Variants in RAPGEF2 observed in about 807,000 individuals in gnomAD.
The protein encoded by RAPGEF2 is PDZ domain containing guanine nucleotide exchange factor (GEF) 1.
RAPGEF2 carries 54 observed loss-of-function variants against 186.7 expected under a neutral mutation model. The observed-to-expected ratio is 0.29, with a 90% CI of 0.23 to 0.36. RAPGEF2 has a LOEUF of 0.36. Among genes scored for constraint, RAPGEF2 ranks in the 10% least tolerant of loss-of-function variants. The pLI, the probability that RAPGEF2 is intolerant of heterozygous loss-of-function variation, is 1.00. For synonymous variants in RAPGEF2, 712 were observed against 705.9 expected (o/e 1.01, Z -0.14); for missense variants, 1,532 against 2,045.0 (o/e 0.75, Z 4.84).
chr4:159,123,739 C>T (rs184613621), intron 1 of RAPGEF2, among the ~76,000 whole-genome samples: 1,557 of 151,976 alleles, frequency 0.01, 91 homozygotes, highest in Admixed American at 0.094. Flanking sequence ...AGGATGGTCT[C>T]GATCTCCTGA....
chr4:159,241,132 T>C, intron 5 of RAPGEF2, 69 bp from the exon 6 acceptor site: 1 of 1,239,024 alleles, frequency 8.1e-7, no homozygotes, highest in Admixed American at 3.0e-5. Flanking sequence ...TGTAAGTTTC[T>C]TTCTGTATCT....
At chr4:159,310,277 ACTC>A (rs1280771342) in intron 8 of RAPGEF2, among the ~76,000 whole-genome samples, 4 of 152,112 alleles carry the variant, frequency 2.6e-5, no homozygotes, top group East Asian at 1.9e-4. Context: ...ATTTTTATAT[ACTC>A]CTCGTAGGAT....
intron 7 of RAPGEF2, among the ~76,000 whole-genome samples, chr4:159,298,789 C>T (rs1420622053): frequency 6.6e-6 from 1 of 152,108 alleles, no homozygotes; most frequent in Non-Finnish European, 1.5e-5. Context: ...ATTCCAGCTA[C>T]AGGAATCATG....
intron 7 of RAPGEF2, among the ~76,000 whole-genome samples, chr4:159,303,813 T>G (rs1762959913): frequency 6.6e-6 from 1 of 152,296 alleles, no homozygotes; most frequent in East Asian, 1.9e-4. Flanking sequence ...ACTTTCTCAA[T>G]TCTAAGATCT....
At chr4:159,338,494 T>G in intron 18 of RAPGEF2, 26 bp downstream of exon 18, 1 of 1,580,954 alleles carries the variant, frequency 6.3e-7, no homozygotes. Context: ...ACTTCTTTTG[T>G]TTTCTTATAG....
At position 159,303,175 on chromosome 4, in the gene RAPGEF2, C is replaced by T. The variant is rs114108945; in HGVS notation, c.544-1167C>T. Among the ~76,000 whole-genome samples the T allele has an allele frequency of 3.3e-3, 507 of 152,252 alleles. 2 individuals carry two copies. The highest frequency in any genetic ancestry group is 0.011 in the African/African-American group (455 of 41,564). On this transcript the variant is annotated intron_variant, in intron 7 of 29. Coordinates refer to ENST00000691494, the MANE Select transcript of RAPGEF2 (RefSeq NM_001394067.2). ...ATAAATACATTTTGCCTACTTGGAG[C>T]TCCGAAGTATCAAAATCCATTGATC...
chr4:159,300,365 C>T (rs1002953242), intron 7 of RAPGEF2, among the ~76,000 whole-genome samples: 4 of 151,638 alleles, frequency 2.6e-5, no homozygotes, highest in Non-Finnish European at 5.9e-5. Flanking sequence ...TTGTCATTCA[C>T]AGGTGGTGTT....
chr4:159,303,463 A>G (rs925854589), intron 7 of RAPGEF2, among the ~76,000 whole-genome samples: 13 of 152,120 alleles, frequency 8.5e-5, no homozygotes, highest in East Asian at 3.8e-4. Context: ...TATTAGCTCA[A>G]TAGTATAATG....
At chr4:159,323,282 A>G (rs1765483247) in intron 10 of RAPGEF2, among the ~76,000 whole-genome samples, 177 bp from the exon 11 acceptor site, 1 of 152,230 alleles carries the variant, frequency 6.6e-6, no homozygotes. Flanking sequence ...GGAAATATGT[A>G]GATATGTGGC....
chr4:159,103,881 G>A lies in RAPGEF2; in HGVS notation c.-282G>A, dbSNP rs987675349. The A allele has an allele frequency of 1.4e-4, 22 of 155,612 alleles. No homozygotes were observed. Among genetic ancestry groups the A allele is most frequent in the Admixed American group, 9.2e-4 (14 of 15,300 alleles). The allele number at this position is 155,612 out of a possible 1,614,324, so 9.6% of individuals were successfully genotyped here. ...GGAGCGGCGAGGAAGAGGAGGAGGA[G>A]GAGGAAGGGGAGTTCCGCCTGCGGG... On this transcript the variant is annotated 5_prime_UTR_variant, in exon 1 of 30. Coordinates refer to ENST00000691494, the MANE Select transcript of RAPGEF2 (RefSeq NM_001394067.2).
chr4:159,132,174 T>C (rs1741186771), intron 1 of RAPGEF2, among the ~76,000 whole-genome samples: 2 of 152,212 alleles, frequency 1.3e-5, no homozygotes, highest in Admixed American at 1.3e-4. Flanking sequence ...TATTCAGATA[T>C]ATTCATAAGC....
chr4:159,299,380 C>G (rs1762384316), intron 7 of RAPGEF2, among the ~76,000 whole-genome samples: 1 of 150,904 alleles, frequency 6.6e-6, no homozygotes, highest in South Asian at 2.1e-4. Context: ...TCTCAGCAGT[C>G]CTAAGATGAT....
chr4:159,254,404 G>T (rs921393343), intron 7 of RAPGEF2, among the ~76,000 whole-genome samples: 3 of 152,088 alleles, frequency 2.0e-5, no homozygotes, highest in African/African-American at 7.2e-5. Flanking sequence ...GACCCTCAGG[G>T]GTCCTGAGAC....
chr4:159,166,317 A>G (rs1025864409), intron 1 of RAPGEF2, among the ~76,000 whole-genome samples: 3 of 152,202 alleles, frequency 2.0e-5, no homozygotes, highest in Non-Finnish European at 4.4e-5. Flanking sequence ...CCATCTCAAA[A>G]AAAAAATGTA....
At chr4:159,299,463 C>T (rs1270540926) in intron 7 of RAPGEF2, among the ~76,000 whole-genome samples, 1 of 151,330 alleles carries the variant, frequency 6.6e-6, no homozygotes, top group African/African-American at 2.4e-5. Context: ...GAATAAGCCT[C>T]TGTTGATAAT....
chr4:159,242,256 G>A (rs1293246938), intron 6 of RAPGEF2, among the ~76,000 whole-genome samples: 1 of 151,178 alleles, frequency 6.6e-6, no homozygotes, highest in Non-Finnish European at 1.5e-5. Flanking sequence ...TAAATGAGTG[G>A]TTATTTTATG....
At chr4:159,212,315 TAAAA>T (rs1750612469) in intron 4 of RAPGEF2, among the ~76,000 whole-genome samples, 1 of 152,206 alleles carries the variant, frequency 6.6e-6, no homozygotes. Context: ...TTTCTGAACT[TAAAA>T]GAAGGTGCTG....
At chr4:159,233,423 T>A (rs984272890) in intron 4 of RAPGEF2, among the ~76,000 whole-genome samples, 4 of 152,208 alleles carry the variant, frequency 2.6e-5, no homozygotes, top group African/African-American at 9.7e-5. Flanking sequence ...CTTCTCTCAT[T>A]GAACAGATAT....
intron 7 of RAPGEF2, among the ~76,000 whole-genome samples, chr4:159,249,266 C>T (rs1755014303): frequency 6.8e-6 from 1 of 146,000 alleles, no homozygotes; most frequent in African/African-American, 2.5e-5. Context: ...GAGCTACATG[C>T]TGATTTTAAA....
Sources: gnomAD v4.1 joint callset for allele counts (sites outside exome capture counted in the v4.1 genomes callset) on GRCh38, gnomAD v4.1.1 for gene constraint, MANE v1.5 for transcripts, NCBI Gene and HGNC (gene_info 2026-07-23, HGNC 2026-07-21) for gene names.